The following MTA3 variants were observed in gnomAD, a reference collection of about 807,000 sequenced individuals.
MTA3 encodes metastasis associated 1 family member 3, also known as metastasis-associated protein MTA3.
Under a neutral mutation model 83.5 loss-of-function variants are expected in MTA3, and 34 were observed. That is an observed-to-expected ratio of 0.41 (90% CI 0.31 to 0.54). The LOEUF is 0.54. Among genes scored for constraint, MTA3 ranks in the 20% least tolerant of loss-of-function variants. MTA3 has a pLI of 0.33. For missense variants in MTA3, 761 were observed against 726.4 expected (o/e 1.05, Z -0.55); for synonymous variants, 303 against 252.7 (o/e 1.20, Z -1.89).
At chr2:42,646,026 C>G (rs1311741425) in intron 6 of MTA3, among the ~76,000 whole-genome samples, 2 of 152,174 alleles carry the variant, frequency 1.3e-5, no homozygotes, top group Non-Finnish European at 2.9e-5. Context: ...CCTCGTTTAC[C>G]ATTCCAAAAA....
intron 6 of MTA3, among the ~76,000 whole-genome samples, 196 bp from the exon 7 acceptor site, chr2:42,656,004 G>A (rs925138962): frequency 7.2e-5 from 11 of 152,288 alleles, no homozygotes; most frequent in Non-Finnish European, 1.0e-4. Flanking sequence ...GATACCTTTC[G>A]GTTAGTTTGG....
chr2:42,548,338 C>T (rs534556871), intron 2 of MTA3, among the ~76,000 whole-genome samples: 1 of 152,154 alleles, frequency 6.6e-6, no homozygotes, highest in South Asian at 2.1e-4. Flanking sequence ...TGGTGGTACT[C>T]ACCTGCGATC....
intron 4 of MTA3, among the ~76,000 whole-genome samples, chr2:42,636,695 C>T (rs1309167061): frequency 2.8e-5 from 4 of 144,944 alleles, no homozygotes; most frequent in African/African-American, 7.8e-5. Context: ...GGTGCGATCT[C>T]GGCTCACTGC....
At chr2:42,582,902 C>T (rs1679832009) in intron 3 of MTA3, among the ~76,000 whole-genome samples, 1 of 152,120 alleles carries the variant, frequency 6.6e-6, no homozygotes, top group Non-Finnish European at 1.5e-5. Flanking sequence ...CTACTGCTTG[C>T]CACTCTCACC....
chr2:42,548,816 T>TATATATATATATA (rs1676887517), intron 2 of MTA3, among the ~76,000 whole-genome samples: 1 of 35,156 alleles, frequency 2.8e-5, no homozygotes, highest in Non-Finnish European at 4.8e-5. Context: ...AAAAAATATA[T>TATATATATATATA]ATATATATAT....
At chr2:42,749,314 G>A (rs1669688231) in intron 16 of MTA3, among the ~76,000 whole-genome samples, 3 of 152,152 alleles carry the variant, frequency 2.0e-5, no homozygotes, top group African/African-American at 4.8e-5. Flanking sequence ...CTGCATGAAT[G>A]TGCTCATGGG....
Position 42,746,863 on chromosome 2 carries a change from G to A in MTA3, c.1760-6511G>A, listed in dbSNP as rs570978666. Among the ~76,000 whole-genome samples the A allele has an allele frequency of 1.4e-4, 22 of 152,302 alleles. No homozygotes were observed. In the South Asian group the frequency reaches 4.1e-3, roughly 29 times the overall value. On this transcript the variant is annotated intron_variant, in intron 16 of 16. Coordinates refer to ENST00000405094, the MANE Select transcript of MTA3 (RefSeq NM_001330442.2). ...TCCAGAAGCTCTCCAAACTCTGCCC[G>A]CTTGGGCCTTTTATGGAGACTTAAT...
chr2:42,746,531 G>T (rs1375856859), intron 16 of MTA3, among the ~76,000 whole-genome samples: 1 of 152,130 alleles, frequency 6.6e-6, no homozygotes, highest in Non-Finnish European at 1.5e-5. Context: ...CCTATAGATT[G>T]AGGGCTCTCC....
intron 2 of MTA3, among the ~76,000 whole-genome samples, chr2:42,546,436 T>C (rs1676762195): frequency 6.6e-6 from 1 of 152,134 alleles, no homozygotes; most frequent in Non-Finnish European, 1.5e-5. Flanking sequence ...TTCAGTAAAA[T>C]GTGTATAATC....
intron 10 of MTA3, among the ~76,000 whole-genome samples, chr2:42,696,562 C>CATA (rs1693407226): frequency 6.6e-6 from 1 of 152,096 alleles, no homozygotes; most frequent in South Asian, 2.1e-4. Context: ...GTAGGTTATA[C>CATA]AGTGGCAAGT....
intron 3 of MTA3, 113 bp from the exon 4 acceptor site, chr2:42,609,345 A>T: frequency 1.7e-6 from 2 of 1,192,462 alleles, no homozygotes; most frequent in African/African-American, 1.5e-5. Context: ...GTTTAAATTT[A>T]AAATTGATTA....
chr2:42,729,046 A>C (rs375342852), intron 16 of MTA3, among the ~76,000 whole-genome samples: 1 of 142,078 alleles, frequency 7.0e-6, no homozygotes, highest in South Asian at 2.2e-4. Flanking sequence ...TGTCCTAGAA[A>C]GTTTCTCCAG....
Position 42,708,948 on chromosome 2 carries a change from G to C in MTA3, c.1377G>C (p.Lys459Asn). ...GMPVRNTGSP[K>N]SAVKTRQAFF... ...CAGTCCGAAACACTGGGAGTCCAAA[G>C]TCTGCAGTGAAGACCCGCCAAGCTT... Residue 459 changes from lysine (K) to asparagine (N), a missense_variant, in exon 14 of 17, where the codon AAG (lysine) becomes AAC (asparagine). Physicochemically the swap from Lys to Asn is moderately conservative, Grantham distance 94. Transcript: ENST00000405094. The C allele has an allele frequency of 6.2e-7, 1 of 1,614,032 alleles. No individual in the cohort carries two copies. The highest frequency in any genetic ancestry group is 2.2e-5 in the East Asian group (1 of 44,888).
chr2:42,674,650 G>C (rs1573573510), intron 8 of MTA3, among the ~76,000 whole-genome samples: 1 of 147,858 alleles, frequency 6.8e-6, no homozygotes, highest in Admixed American at 6.8e-5. Flanking sequence ...CTAGGCTGGA[G>C]TGCAGTGGCC....
At chr2:42,510,555 A>G (rs965699429) in intron 2 of MTA3, among the ~76,000 whole-genome samples, 3 of 152,224 alleles carry the variant, frequency 2.0e-5, no homozygotes, top group Admixed American at 6.5e-5. Context: ...GAACACTTCA[A>G]ATGGGCAAAT....
intron 2 of MTA3, among the ~76,000 whole-genome samples, chr2:42,515,088 G>T (rs997838222): frequency 6.6e-6 from 1 of 151,544 alleles, no homozygotes; most frequent in Non-Finnish European, 1.5e-5. Flanking sequence ...ACAGAGTCTC[G>T]CTCTGTTGTG....
intron 15 of MTA3, among the ~76,000 whole-genome samples, chr2:42,721,506 T>A (rs1262753470): frequency 6.6e-6 from 1 of 151,856 alleles, no homozygotes; most frequent in Non-Finnish European, 1.5e-5. Flanking sequence ...TTTTAAAAAT[T>A]TTTGTAGAGA....
At chr2:42,499,260 C>T (rs1427628974) in intron 2 of MTA3, among the ~76,000 whole-genome samples, 3 of 151,772 alleles carry the variant, frequency 2.0e-5, no homozygotes, top group Middle Eastern at 3.4e-3. Context: ...CTCCGCCTCC[C>T]AGGTTCAAGC....
At chr2:42,566,004 C>T (rs1384174860), upstream of MTA3, among the ~76,000 whole-genome samples, 2 of 151,852 alleles carry the variant, frequency 1.3e-5, no homozygotes, top group South Asian at 2.1e-4. Context: ...AGCGAAACTC[C>T]GTCTCAAAAA....
Sources: allele counts gnomAD v4.1 joint callset (sites outside exome capture counted in the v4.1 genomes callset), GRCh38; gene constraint gnomAD v4.1.1; transcripts MANE v1.5; gene names NCBI Gene and HGNC (gene_info 2026-07-23, HGNC 2026-07-21).